FKTN: variants seen among roughly 807,000 people sequenced by gnomAD.
The protein encoded by FKTN is ribitol-5-phosphate transferase FKTN.
FKTN carries 47 observed loss-of-function variants against 58.6 expected under a neutral mutation model. The observed-to-expected ratio is 0.80, with a 90% CI of 0.63 to 1.02. The LOEUF is 1.02. Among genes scored for constraint, FKTN ranks in the 50% least tolerant of loss-of-function variants. The pLI is 0.00. For synonymous variants in FKTN, 178 were observed against 191.9 expected (o/e 0.93, Z 0.60); for missense variants, 516 against 537.3 (o/e 0.96, Z 0.39).
At chr9:105,628,907 G>A (rs922539093) in intron 10 of FKTN, among the ~76,000 whole-genome samples, 42 of 152,218 alleles carry the variant, frequency 2.8e-4, no homozygotes, top group African/African-American at 1.0e-3. Flanking sequence ...TAGGACCAGG[G>A]TGGGTTGATT....
Position 105,638,582 on chromosome 9 carries a change from T to G in FKTN, c.*3318T>G, listed in dbSNP as rs538022895. Reference sequence around the variant, plus strand: ...GTCTCTCCCCTTCCTGAAGTGACCTTTTATGAGGCTCTTTCCTTCCTAAGG... The same window carrying G: ...GTCTCTCCCCTTCCTGAAGTGACCTGTTATGAGGCTCTTTCCTTCCTAAGG... On this transcript the variant is annotated 3_prime_UTR_variant, in exon 11 of 11. Transcript: ENST00000357998. 1 of 985,382 alleles carries G rather than the reference T, an allele frequency of 1.0e-6. No individual in the cohort carries two copies. The highest frequency in any genetic ancestry group is 1.1e-4 in the East Asian group (1 of 8,808). The allele number at this position is 985,382 out of a possible 1,614,324, so 61.0% of individuals were successfully genotyped here.
At chr9:105,620,836 CTCT>C (rs1324240980) in intron 10 of FKTN, among the ~76,000 whole-genome samples, 45 of 146,664 alleles carry the variant, frequency 3.1e-4, no homozygotes, top group African/African-American at 1.1e-3. Flanking sequence ...AAAACTATTT[CTCT>C]TCTTATTCTC....
intron 3 of FKTN, among the ~76,000 whole-genome samples, chr9:105,591,347 G>C (rs942776999): frequency 1.3e-5 from 2 of 152,182 alleles, no homozygotes; most frequent in Non-Finnish European, 2.9e-5. Flanking sequence ...TAAAAAATTA[G>C]TTAGTTACTC....
intron 3 of FKTN, among the ~76,000 whole-genome samples, chr9:105,584,335 C>T (rs991668694): frequency 1.3e-5 from 2 of 151,590 alleles, no homozygotes; most frequent in African/African-American, 4.8e-5. Flanking sequence ...GTAATAATGC[C>T]TTATTCATTA....
intron 10 of FKTN, chr9:105,623,023 T>C (rs916806564): frequency 6.6e-6 from 1 of 152,130 alleles, no homozygotes; most frequent in African/African-American, 2.4e-5. Context: ...AAATATTGAC[T>C]GGATTCTTTA....
In FKTN at chr9:105,639,948, A is replaced by G; in HGVS notation, c.*4684A>G. ...TACCTCCTTGTTAGTGAAATTAGAT[A>G]TAAGCCATGATTTGGAGAGGGAAGA... On this transcript the variant is annotated 3_prime_UTR_variant, in exon 11 of 11. Transcript: ENST00000357998. 6.8e-7 allele frequency: 1 copy of G among 1,479,818 alleles called. No homozygotes were observed. Among genetic ancestry groups the G allele is most frequent in the Non-Finnish European group, 8.9e-7 (1 of 1,120,160 alleles). 91.7% of individuals were successfully genotyped at this position (1,479,818 alleles called of 1,614,324 possible). A position where few individuals can be genotyped will look rare whatever the true frequency, so the allele number is the denominator to read the frequency against.
At chr9:105,584,661 A>C (rs1411104473) in intron 3 of FKTN, among the ~76,000 whole-genome samples, 1 of 152,130 alleles carries the variant, frequency 6.6e-6, no homozygotes, top group African/African-American at 2.4e-5. Context: ...TTCTACAAAA[A>C]ATACAAATAT....
At position 105,637,786 on chromosome 9, in the gene FKTN, C is replaced by G. The variant is rs1834144703; in HGVS notation, c.*2522C>G. The G allele has an allele frequency of 1.0e-6, 1 of 985,224 alleles. No individual in the cohort carries two copies. Among genetic ancestry groups the G allele is most frequent in the Non-Finnish European group, 1.2e-6 (1 of 829,776 alleles). The allele number at this position is 985,224 out of a possible 1,614,324, so 61.0% of individuals were successfully genotyped here. A position where few individuals can be genotyped will look rare whatever the true frequency, so the allele number is the denominator to read the frequency against. On this transcript the variant is annotated 3_prime_UTR_variant, in exon 11 of 11. Coordinates refer to ENST00000357998, the MANE Select transcript of FKTN (RefSeq NM_001079802.2). ...TCCTCTTAATTGATAACCAGGACAA[C>G]CAGGTAGTCACCCAGTCCTCTCTAA...
intron 4 of FKTN, among the ~76,000 whole-genome samples, chr9:105,599,041 C>G (rs913626228): frequency 1.3e-5 from 2 of 151,882 alleles, no homozygotes; most frequent in African/African-American, 4.8e-5. Flanking sequence ...CACAGAGTAG[C>G]AAATATTTGT....
intron 3 of FKTN, among the ~76,000 whole-genome samples, chr9:105,595,228 A>G (rs185455870): frequency 6.6e-6 from 1 of 152,280 alleles, no homozygotes; most frequent in African/African-American, 2.4e-5. Context: ...GGAGTGATTA[A>G]AATATTCTGG....
At chr9:105,576,411 T>A (rs1479223249) in intron 3 of FKTN, among the ~76,000 whole-genome samples, 3 of 151,896 alleles carry the variant, frequency 2.0e-5, no homozygotes, top group African/African-American at 4.8e-5. Flanking sequence ...AGTGAGAATA[T>A]GCGGTGTTTG....
Position 105,607,923 on chromosome 9 carries a change from G to A in FKTN, c.752G>A (p.Arg251Lys). Residue 251 changes from arginine (R) to lysine (K), a missense_variant, in exon 7 of 11, where the codon AGG (arginine) becomes AAG (lysine). Coordinates refer to ENST00000357998, the MANE Select transcript of FKTN (RefSeq NM_001079802.2). ...EVPHSRFIEC[R>K]YKEARAFFQQ... ...CCACACTCTAGGTTTATTGAGTGTA[G>A]GTATAAAGAAGCTCGAGCATTCTTT... is the stretch of plus-strand genomic sequence containing the variant. 1 of 1,612,290 alleles carries A rather than the reference G, an allele frequency of 6.2e-7. No individual in the cohort carries two copies. The highest frequency in any genetic ancestry group is 2.2e-5 in the East Asian group (1 of 44,808).
intron 4 of FKTN, chr9:105,598,184 G>T (rs1431236868): frequency 2.2e-6 from 1 of 464,742 alleles, no homozygotes. Context: ...ACCACATTCA[G>T]TGAGTTCTCT....
rs1468343011 is a variant in FKTN, at chr9:105,620,099, C to T, written c.1172+38C>T. 4 of 1,548,084 alleles carry T rather than the reference C, an allele frequency of 2.6e-6. No homozygotes were observed. The highest frequency in any genetic ancestry group is 1.1e-5 in the South Asian group (1 of 88,566). On this transcript the variant is annotated intron_variant, in intron 10 of 10. Transcript: ENST00000357998. ...TAAGTACTTATTTATAAAGGTACTA[C>T]AGAAATAATTTCAGGAGGTAGAAAT...
At chr9:105,606,487 T>C (rs1468256673) in intron 6 of FKTN, among the ~76,000 whole-genome samples, 1 of 151,840 alleles carries the variant, frequency 6.6e-6, no homozygotes. Context: ...TTGTTCCTTT[T>C]ATTCTCCTTT....
At chr9:105,609,270 G>A (rs1251193961) in intron 7 of FKTN, among the ~76,000 whole-genome samples, 1 of 151,916 alleles carries the variant, frequency 6.6e-6, no homozygotes, top group Non-Finnish European at 1.5e-5. Flanking sequence ...TCAAGCAGCC[G>A]CCTTTCTTTT....
intron 10 of FKTN, among the ~76,000 whole-genome samples, chr9:105,632,438 A>T (rs1022653105): frequency 6.7e-6 from 1 of 148,602 alleles, no homozygotes; most frequent in Admixed American, 6.7e-5. Flanking sequence ...ATATATATAT[A>T]TATAAAAATA....
intron 1 of FKTN, among the ~76,000 whole-genome samples, chr9:105,568,050 C>T (rs1481316389): frequency 1.3e-5 from 2 of 152,130 alleles, no homozygotes; most frequent in East Asian, 3.8e-4. Context: ...GAAAGGATTC[C>T]CTATTTAACA....
intron 1 of FKTN, among the ~76,000 whole-genome samples, chr9:105,567,301 A>T (rs1839839726): frequency 1.3e-5 from 2 of 152,202 alleles, no homozygotes; most frequent in African/African-American, 4.8e-5. Context: ...TGGCCAGGGC[A>T]ATCAGGCAGG....
Sources: allele counts gnomAD v4.1 joint callset (sites outside exome capture counted in the v4.1 genomes callset), GRCh38; gene constraint gnomAD v4.1.1; transcripts MANE v1.5; gene names NCBI Gene and HGNC (gene_info 2026-07-23, HGNC 2026-07-21).